The following FZR1 variants were observed in gnomAD, a reference collection of about 807,000 sequenced individuals.
FZR1 encodes fizzy and cell division cycle 20 related 1.
In FZR1, 11 loss-of-function variants were observed where a neutral mutation model predicts 63.6. The ratio of observed to expected loss-of-function variants is 0.17; its 90% CI spans 0.11 to 0.29. The LOEUF (loss-of-function observed/expected upper bound fraction) is 0.29, where lower values mean the gene tolerates loss of function less well. Among genes scored for constraint, FZR1 ranks in the 10% least tolerant of loss-of-function variants. The probability of loss-of-function intolerance (pLI) is 1.00; values close to 1 mark genes in which losing one functional copy is unlikely to be tolerated. For synonymous variants in FZR1, 328 were observed against 297.9 expected (o/e 1.10, Z -1.04); for missense variants, 440 against 687.5 (o/e 0.64, Z 4.03).
intron 1 of FZR1, among the ~76,000 whole-genome samples, chr19:3,518,011 C>CTTTTTTTTTTT (rs1220242480): frequency 9.1e-6 from 1 of 109,522 alleles, no homozygotes; most frequent in Non-Finnish European, 1.9e-5. Flanking sequence ...CTGTTTCTTT[C>CTTTTTTTTTTT]TTTTTTTTTT....
chr19:3,530,891 A>G, intron 8 of FZR1, 34 bp downstream of exon 8: 1 of 1,542,274 alleles, frequency 6.5e-7, no homozygotes, highest in Non-Finnish European at 8.9e-7. Context: ...CACCTGGGAG[A>G]TCTGATGGGG....
At position 3,526,742 on chromosome 19, in the gene FZR1, C is replaced by T. The variant is rs1170031944; in HGVS notation, c.388-238C>T. Among the ~76,000 whole-genome samples, 1 of 142,370 alleles carries T rather than the reference C, an allele frequency of 7.0e-6. No individual in the cohort carries two copies. Among genetic ancestry groups the T allele is most frequent in the Non-Finnish European group, 1.6e-5 (1 of 64,490 alleles). 93.4% of individuals were successfully genotyped at this position (142,370 alleles called of 152,430 possible). A position where few individuals can be genotyped will look rare whatever the true frequency, so the allele number is the denominator to read the frequency against. On this transcript the variant is annotated intron_variant, in intron 5 of 13. Coordinates refer to ENST00000441788, the MANE Select transcript of FZR1 (RefSeq NM_016263.4). This position sits in a 1 kb window ranked among gnomAD's most constrained non-coding sequence, Gnocchi z 5.4. Reference sequence around the variant, plus strand: ...AGGGCCCCACTCTGTCCACATGATCCGGGAGCTCAAAGGCAGGATCACACG... The same window carrying T: ...AGGGCCCCACTCTGTCCACATGATCTGGGAGCTCAAAGGCAGGATCACACG...
chr19:3,507,532 C>G (rs1282966596), intron 1 of FZR1, among the ~76,000 whole-genome samples: 1 of 152,136 alleles, frequency 6.6e-6, no homozygotes, highest in Non-Finnish European at 1.5e-5. Flanking sequence ...GTTCCGATTC[C>G]CCCGCCCCGC....
At chr19:3,521,325 CTG>C (rs1248202440) in intron 1 of FZR1, 1 of 152,132 alleles carries the variant, frequency 6.6e-6, no homozygotes, top group Non-Finnish European at 1.5e-5. Context: ...CTGACAGACT[CTG>C]TGTTTAACGA....
chr19:3,534,010 C>T (rs1237447118), intron 12 of FZR1, among the ~76,000 whole-genome samples: 1 of 151,992 alleles, frequency 6.6e-6, no homozygotes, highest in Admixed American at 6.6e-5. Context: ...ATCGCTTGAG[C>T]CCAGGAGTTC....
In FZR1 at chr19:3,523,138, C is replaced by T; in HGVS notation, c.69+80C>T. On this transcript the variant is annotated intron_variant, in intron 2 of 13. Coordinates refer to ENST00000441788, the MANE Select transcript of FZR1 (RefSeq NM_016263.4). The stretch of plus-strand genomic sequence containing the variant: ...GCCCTGGCCAGCAGCCTCAGGTGTC[C>T]CCACTGTCACTAAAGCCCCACGGAC... The T allele has an allele frequency of 6.8e-6, 6 of 879,966 alleles. 1 individual carries two copies. The Admixed American group carries it at 1.0e-4, about 15-fold the overall frequency. 54.5% of individuals were successfully genotyped at this position (879,966 alleles called of 1,614,324 possible). A position where few individuals can be genotyped will look rare whatever the true frequency, so the allele number is the denominator to read the frequency against.
At chr19:3,508,723 C>T (rs938271047) in intron 1 of FZR1, among the ~76,000 whole-genome samples, 5 of 152,308 alleles carry the variant, frequency 3.3e-5, no homozygotes, top group Middle Eastern at 3.4e-3. Flanking sequence ...AGGAACTCAG[C>T]GCTGTCACTC....
chr19:3,530,472 A>G (rs1320736935), intron 7 of FZR1, among the ~76,000 whole-genome samples: 2 of 131,132 alleles, frequency 1.5e-5, no homozygotes, highest in South Asian at 2.6e-4. Context: ...GGATGAGCGC[A>G]TGGGAGAGCG....
intron 1 of FZR1, among the ~76,000 whole-genome samples, chr19:3,510,492 A>T (rs1418328385): frequency 1.3e-5 from 2 of 152,160 alleles, no homozygotes; most frequent in Non-Finnish European, 2.9e-5. Context: ...TTTTGCACAC[A>T]TTCCCTTCTG....
Position 3,516,779 on chromosome 19 carries a change from T to C in FZR1, c.-34-6177T>C, listed in dbSNP as rs2083061761. 6.6e-6 allele frequency among the ~76,000 whole-genome samples: 1 copy of C among 152,280 alleles called. No individual in the cohort carries two copies. The highest frequency in any genetic ancestry group is 1.5e-5 in the Non-Finnish European group (1 of 68,012). Reference sequence around the variant, plus strand: ...CAGCCTTGGGCAGCGTTGAGTGAGTTGTGTGGCCAGTAGACTGACAGCTGC... The same window carrying C: ...CAGCCTTGGGCAGCGTTGAGTGAGTCGTGTGGCCAGTAGACTGACAGCTGC... On this transcript the variant is annotated intron_variant, in intron 1 of 13. Transcript: ENST00000441788. The surrounding 1 kb of genome is among the most constrained non-coding windows in gnomAD (Gnocchi z 6.0).
rs543234409 is a variant in FZR1, at chr19:3,530,839, C to T, written c.702C>T (p.Ser234=). Residue 234 remains serine, a synonymous_variant, in exon 8 of 14, where the codon TCC becomes TCT. Transcript: ENST00000441788. ...DLSVEGDSVT[S]VGWSERGNLV... is the part of the protein sequence containing the mutation. ...CAGTGGAAGGGGACTCAGTGACCTC[C>T]GTGGGCTGGTCTGAGCGGGTGAGTG... The T allele has an allele frequency of 5.4e-4, 869 of 1,612,790 alleles. 9 individuals carry two copies. In the South Asian group the frequency reaches 9.0e-3, roughly 17 times the overall value.
chr19:3,508,746 G>A lies in FZR1; in HGVS notation c.-35+2272G>A, dbSNP rs751753578. ...AGCGCTGTCACTCCTTTCTCCTGGCGCAAAGCTCTCCACTGCCCAATTCTG... is the reference window on the plus strand; with the variant it reads ...AGCGCTGTCACTCCTTTCTCCTGGCACAAAGCTCTCCACTGCCCAATTCTG... On this transcript the variant is annotated intron_variant, in intron 1 of 13. Transcript: ENST00000441788. Among the ~76,000 whole-genome samples, 127 of 152,216 alleles carry A rather than the reference G, an allele frequency of 8.3e-4. 1 individual carries two copies. Among genetic ancestry groups the A allele is most frequent in the Non-Finnish European group, 1.2e-3 (83 of 68,026 alleles).
Position 3,527,209 on chromosome 19 carries a change from G to A in FZR1, c.470+147G>A, listed in dbSNP as rs376885662. ...GCTTCCCAGGGCATAGTGGCCTGGA[G>A]CTGTGACTGTGTCCTCCCCCAGAGT... is the stretch of plus-strand genomic sequence containing the variant. On this transcript the variant is annotated intron_variant, in intron 6 of 13. Transcript: ENST00000441788. 5.6e-6 allele frequency: 4 copies of A among 711,004 alleles called. No homozygotes were observed. In the East Asian group the frequency reaches 1.0e-4, roughly 19 times the overall value. The allele number at this position is 711,004 out of a possible 1,614,324, so 44.0% of individuals were successfully genotyped here.
intron 7 of FZR1, among the ~76,000 whole-genome samples, chr19:3,530,441 A>AGAGCGCATGGGAGAGCGCATGGAT (rs1430059405): frequency 2.7e-5 from 2 of 74,942 alleles, no homozygotes; most frequent in Non-Finnish European, 5.8e-5. Context: ...AGCGGATGGG[A>AGAGCGCATGGGAGAGCGCATGGAT]GAGCGCATGG....
intron 1 of FZR1, among the ~76,000 whole-genome samples, chr19:3,513,967 T>A (rs559650028): frequency 1.3e-5 from 2 of 152,178 alleles, no homozygotes; most frequent in Admixed American, 6.5e-5. Flanking sequence ...GAAAAAAATA[T>A]GAAAACAGTG....
At position 3,523,071 on chromosome 19, in the gene FZR1, G is replaced by C. The variant is rs200344271; in HGVS notation, c.69+13G>C. The C allele has an allele frequency of 1.3e-6, 2 of 1,543,376 alleles. No homozygotes were observed. The highest frequency in any genetic ancestry group is 1.7e-5 in the Admixed American group (1 of 59,948). ...CACGATGCCACGCGTGAGTGCCCCC[G>C]CCCTGCCCACCACTGTGGCTCCCCC... On this transcript the variant is annotated intron_variant, in intron 2 of 13. Coordinates refer to ENST00000441788, the MANE Select transcript of FZR1 (RefSeq NM_016263.4).
In FZR1 at chr19:3,535,631, G is replaced by C. The variant is rs1411170095; in HGVS notation, c.*795G>C. 6.6e-6 allele frequency: 1 copy of C among 152,458 alleles called. No homozygotes were observed. Among genetic ancestry groups the C allele is most frequent in the East Asian group, 1.9e-4 (1 of 5,198 alleles). The allele number at this position is 152,458 out of a possible 1,614,324, so 9.4% of individuals were successfully genotyped here. A position where few individuals can be genotyped will look rare whatever the true frequency, so the allele number is the denominator to read the frequency against. ...CCGGACCTGCTCACTGCCCTGGCTG[G>C]AGAGGAGCACAACAGATGCCACGTC... On this transcript the variant is annotated 3_prime_UTR_variant, in exon 14 of 14. Transcript: ENST00000441788.
In FZR1 at chr19:3,534,453, T is replaced by C. The variant is rs1444976035; in HGVS notation, c.1380T>C (p.Thr460=). 5.6e-6 allele frequency: 9 copies of C among 1,609,554 alleles called. No homozygotes were observed. The highest frequency in any genetic ancestry group is 8.5e-7 in the Non-Finnish European group (1 of 1,177,770). The stretch of plus-strand genomic sequence containing the variant: ...CCCCTGATGGGGAGGCCATCGTCAC[T>C]GGTGCTGGAGACGAGACCCTGAGGT... The part of the protein sequence containing the change: ...AMSPDGEAIV[T]GAGDETLRFW... Residue 460 remains threonine, a synonymous_variant, in exon 13 of 14, where the codon ACT becomes ACC. Transcript: ENST00000441788.
chr19:3,522,973 C>T lies in FZR1; in HGVS notation c.-17C>T, dbSNP rs2083117114. 1.3e-6 allele frequency: 2 copies of T among 1,599,080 alleles called. No homozygotes were observed. The highest frequency in any genetic ancestry group is 1.7e-6 in the Non-Finnish European group (2 of 1,167,412). ...CGCTGCAGGCTAACCTTGCCGCGGG[C>T]CGAGCCCTGCCTCGCCATGGACCAG... On this transcript the variant is annotated 5_prime_UTR_variant, in exon 2 of 14. Transcript: ENST00000441788.
Sources: gnomAD v4.1 joint callset for allele counts (sites outside exome capture counted in the v4.1 genomes callset) on GRCh38, gnomAD v4.1.1 for gene constraint, Gnocchi (gnomAD v3.1) non-coding constraint, MANE v1.5 for transcripts, NCBI Gene and HGNC (gene_info 2026-07-23, HGNC 2026-07-21) for gene names.